The following SPICE1 variants were observed in gnomAD, a reference collection of about 807,000 sequenced individuals.
SPICE1 encodes spindle and centriole-associated protein 1.
In SPICE1, 75 loss-of-function variants were observed where a neutral mutation model predicts 102.7. That is an observed-to-expected ratio of 0.73 (90% CI 0.61 to 0.88). The LOEUF (loss-of-function observed/expected upper bound fraction) is 0.88. Among genes scored for constraint, SPICE1 ranks in the 40% least tolerant of loss-of-function variants. The pLI, the probability that SPICE1 is intolerant of heterozygous loss-of-function variation, is 0.00. For synonymous variants in SPICE1, 308 were observed against 350.3 expected (o/e 0.88, Z 1.35); for missense variants, 979 against 1,020.1 (o/e 0.96, Z 0.55).
rs2107455647 is a variant in SPICE1, at chr3:113,460,761, T to C, written c.1291A>G (p.Arg431Gly). Residue 431 changes from arginine to glycine, a missense_variant, in exon 12 of 18, where the codon AGA becomes GGA. Transcript: ENST00000295872. ...GTTGTGACCATGTACTGCTGAAGTC[T>C]TGCCTGGGGAGGAAAACATATGAAA... is the stretch of plus-strand genomic sequence containing the variant. The part of the protein sequence containing the change: ...LREENAATQA[R>G]LQQYMVTTDE... The C allele has an allele frequency of 1.3e-6, 2 of 1,590,928 alleles. No individual in the cohort carries two copies. The highest frequency in any genetic ancestry group is 1.7e-6 in the Non-Finnish European group (2 of 1,172,184).
chr3:113,506,613 T>A lies in SPICE1; in HGVS notation c.1-8A>T. ...CACTCTGACAAATGACATCTAGGAA[T>A]AATAATCACATCAAATTTTTAAAAT... On this transcript the variant is annotated splice_polypyrimidine_tract_variant and splice_region_variant and intron_variant, in intron 1 of 17. Transcript: ENST00000295872. 1 of 1,605,288 alleles carries A rather than the reference T, an allele frequency of 6.2e-7. No homozygotes were observed. Among genetic ancestry groups the A allele is most frequent in the Non-Finnish European group, 8.5e-7 (1 of 1,174,384 alleles).
In SPICE1 at chr3:113,496,238, T is replaced by C. The variant is rs914849983; in HGVS notation, c.292-2096A>G. Among the ~76,000 whole-genome samples, 78 of 152,134 alleles carry C rather than the reference T, an allele frequency of 5.1e-4. 1 individual carries two copies. The highest frequency in any genetic ancestry group is 8.7e-4 in the Non-Finnish European group (59 of 68,024). On this transcript the variant is annotated intron_variant, in intron 4 of 17. Coordinates refer to ENST00000295872, the MANE Select transcript of SPICE1 (RefSeq NM_144718.4). ...GTTTGAGTGATCAAAGATCAGTGTATTGGCTTTTACTTCTTCTTTCTAGAT... is the reference window on the plus strand; with the variant it reads ...GTTTGAGTGATCAAAGATCAGTGTACTGGCTTTTACTTCTTCTTTCTAGAT...
chr3:113,506,238 G>A (rs911152210), intron 2 of SPICE1, among the ~76,000 whole-genome samples: 2 of 152,134 alleles, frequency 1.3e-5, no homozygotes, highest in South Asian at 2.1e-4. Flanking sequence ...GTGAAAAGAC[G>A]TTTTTTAAAA....
intron 7 of SPICE1, among the ~76,000 whole-genome samples, chr3:113,487,643 C>A (rs189972554): frequency 6.6e-6 from 1 of 151,984 alleles, no homozygotes; most frequent in East Asian, 1.9e-4. Context: ...AAAGAAGATA[C>A]GTTAAAAGGA....
At chr3:113,495,145 C>T (rs566502042) in intron 4 of SPICE1, among the ~76,000 whole-genome samples, 1 of 152,236 alleles carries the variant, frequency 6.6e-6, no homozygotes, top group Admixed American at 6.5e-5. Context: ...AACTTAGGAA[C>T]TTTCATAATT....
rs915618385 is a variant in SPICE1 at position 113,469,151 on chromosome 3, T to G, written c.699A>C (p.Gln233His). 3 of 1,613,560 alleles carry G rather than the reference T, an allele frequency of 1.9e-6. No homozygotes were observed. Among genetic ancestry groups the G allele is most frequent in the Non-Finnish European group, 2.5e-6 (3 of 1,179,846 alleles). ...ATGATGGCGTTCCTGGAGGAGTTAT[T>G]TGTGACTGGGTTGCTATTTTCTGCT... ...DIQQKIATQSQITPPGTPSSA... is the reference protein window; with the variant it reads ...DIQQKIATQSHITPPGTPSSA... The change falls in exon 8 of 18, where the codon CAA becomes CAC. Residue 233 changes from glutamine to histidine, a missense_variant. Gln to His is a conservative substitution (Grantham distance 24). Transcript: ENST00000295872.
chr3:113,489,224 C>T (rs192085856), intron 6 of SPICE1, among the ~76,000 whole-genome samples, 161 bp from the exon 7 acceptor site: 2 of 152,188 alleles, frequency 1.3e-5, no homozygotes, highest in African/African-American at 4.8e-5. Context: ...TATCAATTAT[C>T]CTATCTCTCT....
At chr3:113,451,368 C>G (rs1279359020) in intron 14 of SPICE1, among the ~76,000 whole-genome samples, 2 of 151,948 alleles carry the variant, frequency 1.3e-5, no homozygotes, top group African/African-American at 2.4e-5. Context: ...TTCATTATTC[C>G]TAATTATGTC....
chr3:113,447,071 C>T (rs1483795432), intron 16 of SPICE1, among the ~76,000 whole-genome samples: 2 of 152,144 alleles, frequency 1.3e-5, no homozygotes, highest in Admixed American at 1.3e-4. Flanking sequence ...CTCATTTTCT[C>T]TTGCTGCCAC....
chr3:113,466,877 T>C (rs1936070618), intron 10 of SPICE1, among the ~76,000 whole-genome samples: 1 of 152,102 alleles, frequency 6.6e-6, no homozygotes, highest in South Asian at 2.1e-4. Context: ...TGAGACTCTG[T>C]CTCTACAAAA....
intron 1 of SPICE1, among the ~76,000 whole-genome samples, chr3:113,511,804 CA>C (rs1220755353): frequency 3.3e-5 from 5 of 151,098 alleles, no homozygotes; most frequent in South Asian, 2.1e-4. Flanking sequence ...TATTAAAATT[CA>C]AAAAAAATGA....
rs988582084 is a variant in SPICE1 at position 113,480,860 on chromosome 3, G to C, written c.611+8085C>G. Among the ~76,000 whole-genome samples the C allele has an allele frequency of 4.1e-5, 4 of 98,210 alleles. No individual in the cohort carries two copies. The East Asian group carries it at 1.5e-3, about 37-fold the overall frequency. The allele number at this position is 98,210 out of a possible 152,430, so 64.4% of individuals were successfully genotyped here. On this transcript the variant is annotated intron_variant, in intron 7 of 17. Coordinates refer to ENST00000295872, the MANE Select transcript of SPICE1 (RefSeq NM_144718.4). ...CCACTGCACTCTGGCCAGGGTGACA[G>C]AGTGAGATCCTGTCTCAAAAAAGAC...
intron 6 of SPICE1, among the ~76,000 whole-genome samples, chr3:113,491,651 A>AAAAAAAATT (rs1936771973): frequency 6.8e-6 from 1 of 147,620 alleles, no homozygotes; most frequent in Non-Finnish European, 1.5e-5. Flanking sequence ...AAAAAAAAAG[A>AAAAAAAATT]TTATCTATAG....
At position 113,467,608 on chromosome 3, in the gene SPICE1, G is replaced by T. The variant is rs543086357; in HGVS notation, c.1155+531C>A. 8.3e-4 allele frequency among the ~76,000 whole-genome samples: 127 copies of T among 152,226 alleles called. 1 individual carries two copies. In the South Asian group the frequency reaches 0.025, roughly 30 times the overall value. ...GAGCCACCACACCCAGCCAAACAAAGAATTCTTGCTTATTTTATAAATTAT... is the reference window on the plus strand; with the variant it reads ...GAGCCACCACACCCAGCCAAACAAATAATTCTTGCTTATTTTATAAATTAT... On this transcript the variant is annotated intron_variant, in intron 10 of 17. Coordinates refer to ENST00000295872, the MANE Select transcript of SPICE1 (RefSeq NM_144718.4).
At chr3:113,480,208 T>C (rs974015900) in intron 7 of SPICE1, among the ~76,000 whole-genome samples, 7 of 151,690 alleles carry the variant, frequency 4.6e-5, no homozygotes, top group Non-Finnish European at 8.8e-5. Context: ...GCAAAGTTAC[T>C]ATGGCACTTC....
chr3:113,486,968 G>A (rs1204898443), intron 7 of SPICE1, among the ~76,000 whole-genome samples: 1 of 151,302 alleles, frequency 6.6e-6, no homozygotes. Context: ...AAGTGTAGAC[G>A]GGAACTAGTT....
intron 6 of SPICE1, among the ~76,000 whole-genome samples, chr3:113,491,898 G>GT (rs776448412): frequency 6.6e-6 from 1 of 152,166 alleles, no homozygotes; most frequent in Non-Finnish European, 1.5e-5. Context: ...ATAAGCTCAA[G>GT]TGTGCGAATG....
At chr3:113,464,332 C>G (rs1936003515) in intron 11 of SPICE1, among the ~76,000 whole-genome samples, 1 of 150,386 alleles carries the variant, frequency 6.6e-6, no homozygotes, top group African/African-American at 2.4e-5. Flanking sequence ...TCATAGCTCA[C>G]TGCAGCCTCA....
At position 113,453,860 on chromosome 3, in the gene SPICE1, G is replaced by T; in HGVS notation, c.1748C>A (p.Thr583Asn). The change falls in exon 14 of 18, where the codon ACC becomes AAC. Residue 583 changes from threonine (T) to asparagine (N), a missense_variant. Transcript: ENST00000295872. ...IEKEQNWEEK[T>N]LPIDTDIQNS... Reference sequence around the variant, plus strand: ...CTGAATGTCTGTATCAATAGGTAAGGTCTTCTCTTCCCAATTTTGTTCCTT... The same window carrying T: ...CTGAATGTCTGTATCAATAGGTAAGTTCTTCTCTTCCCAATTTTGTTCCTT... The T allele has an allele frequency of 6.2e-7, 1 of 1,614,186 alleles. No homozygotes were observed.
Sources: gnomAD v4.1 joint callset for allele counts (sites outside exome capture counted in the v4.1 genomes callset) on GRCh38, gnomAD v4.1.1 for gene constraint, MANE v1.5 for transcripts, NCBI Gene and HGNC (gene_info 2026-07-23, HGNC 2026-07-21) for gene names.